The following CNTNAP2 variants were observed in gnomAD, a reference collection of about 807,000 sequenced individuals.
CNTNAP2 encodes contactin-associated protein-like 2.
In CNTNAP2, 98 loss-of-function variants were observed where a neutral mutation model predicts 155.2. That is an observed-to-expected ratio of 0.63 (90% CI 0.54 to 0.75). CNTNAP2 has a LOEUF of 0.75. CNTNAP2 is among the 30% of genes least tolerant of loss of function. The probability of loss-of-function intolerance (pLI) is 0.00; values close to 1 mark genes in which losing one functional copy is unlikely to be tolerated. For synonymous variants in CNTNAP2, 651 were observed against 631.2 expected, an observed-to-expected ratio of 1.03 and a Z score of -0.47; for missense variants, 1,727 against 1,688.1, an observed-to-expected ratio of 1.02 and a Z score of -0.40.
At chr7:147,902,108 A>T (rs1799879744) in intron 13 of CNTNAP2, among the ~76,000 whole-genome samples, 1 of 152,188 alleles carries the variant, frequency 6.6e-6, no homozygotes, top group South Asian at 2.1e-4. Flanking sequence ...TTCATGGCCC[A>T]TACACCTTCA....
intron 11 of CNTNAP2, among the ~76,000 whole-genome samples, chr7:147,502,563 G>T (rs1203058426): frequency 2.0e-5 from 3 of 152,054 alleles, no homozygotes; most frequent in African/African-American, 7.2e-5. Context: ...ATAAGTTCTG[G>T]GGAGCTAATA....
intron 18 of CNTNAP2, among the ~76,000 whole-genome samples, chr7:148,174,390 C>A (rs1033665356): frequency 6.7e-6 from 1 of 149,954 alleles, no homozygotes; most frequent in Admixed American, 6.7e-5. Context: ...CTCCAGGTAG[C>A]CTGGTGCCTG....
chr7:147,933,553 A>G (rs2116803161), intron 14 of CNTNAP2, among the ~76,000 whole-genome samples: 1 of 151,808 alleles, frequency 6.6e-6, no homozygotes, highest in African/African-American at 2.4e-5. Flanking sequence ...ATAACAGAAT[A>G]TCATTCAGCC....
chr7:146,529,678 A>G (rs901835708), intron 1 of CNTNAP2, among the ~76,000 whole-genome samples: 11 of 152,030 alleles, frequency 7.2e-5, no homozygotes, highest in African/African-American at 2.4e-4. Flanking sequence ...CTAATATTAA[A>G]ATGTAGGGCC....
intron 14 of CNTNAP2, among the ~76,000 whole-genome samples, chr7:147,950,046 G>C (rs1057144225): frequency 9.9e-5 from 15 of 152,040 alleles, no homozygotes; most frequent in African/African-American, 3.4e-4. Flanking sequence ...TCAAAGGCTT[G>C]GGGAGAAAGG....
chr7:146,822,572 A>G (rs1271324984), intron 2 of CNTNAP2, among the ~76,000 whole-genome samples: 2 of 150,854 alleles, frequency 1.3e-5, no homozygotes, highest in East Asian at 1.9e-4. Context: ...TCTGAGTATT[A>G]AGTATTTTCT....
At chr7:146,782,941 C>T (rs1265782089) in intron 2 of CNTNAP2, among the ~76,000 whole-genome samples, 2 of 152,060 alleles carry the variant, frequency 1.3e-5, no homozygotes, top group Non-Finnish European at 2.9e-5. Context: ...GTGTATTTGC[C>T]AATGTATGTG....
chr7:148,040,001 A>G (rs912848479), intron 15 of CNTNAP2, among the ~76,000 whole-genome samples: 1 of 152,194 alleles, frequency 6.6e-6, no homozygotes, highest in Non-Finnish European at 1.5e-5. Flanking sequence ...AAACAAAACT[A>G]TCCCTTCTCT....
intron 10 of CNTNAP2, among the ~76,000 whole-genome samples, chr7:147,401,212 T>C (rs1796906957): frequency 6.6e-6 from 1 of 152,090 alleles, no homozygotes; most frequent in Non-Finnish European, 1.5e-5. Context: ...AAAAAATACA[T>C]TTAGAAACAA....
intron 1 of CNTNAP2, among the ~76,000 whole-genome samples, chr7:146,166,172 C>T (rs1798309575): frequency 6.6e-6 from 1 of 152,124 alleles, no homozygotes; most frequent in Non-Finnish European, 1.5e-5. Context: ...TGGCTCACTG[C>T]AACCTCTGCC....
intron 3 of CNTNAP2, among the ~76,000 whole-genome samples, chr7:146,941,143 C>A (rs1797047203): frequency 6.6e-6 from 1 of 152,040 alleles, no homozygotes; most frequent in Admixed American, 6.5e-5. Context: ...ACTTACTACA[C>A]TATATTGTTC....
chr7:147,347,419 A>ATT lies in CNTNAP2; in HGVS notation c.1498+47130_1498+47131dup, dbSNP rs1186770073. Among the ~76,000 whole-genome samples, 26 of 108,680 alleles carry ATT rather than the reference A, an allele frequency of 2.4e-4. No individual in the cohort carries two copies. In the East Asian group the frequency reaches 5.9e-3, roughly 25 times the overall value. The allele number at this position is 108,680 out of a possible 152,430, so 71.3% of individuals were successfully genotyped here. A position where few individuals can be genotyped will look rare whatever the true frequency, so the allele number is the denominator to read the frequency against. On this transcript the variant is annotated intron_variant, in intron 9 of 23. Transcript: ENST00000361727. ...TCTGTATTTCCTCTTATGTGAAAAG[A>ATT]TTATATATATATATATATATGCATA...
intron 1 of CNTNAP2, among the ~76,000 whole-genome samples, chr7:146,382,979 T>G (rs1795411973): frequency 6.6e-6 from 1 of 152,170 alleles, no homozygotes; most frequent in South Asian, 2.1e-4. Context: ...GATTTTCCCC[T>G]TCACTGATAA....
intron 1 of CNTNAP2, among the ~76,000 whole-genome samples, chr7:146,188,957 G>T (rs1167768458): frequency 6.6e-6 from 1 of 152,080 alleles, no homozygotes; most frequent in African/African-American, 2.4e-5. Flanking sequence ...TGGAGGGAGG[G>T]CCTGAGCTTC....
At chr7:146,751,679 T>C (rs1329729628) in intron 1 of CNTNAP2, among the ~76,000 whole-genome samples, 1 of 152,200 alleles carries the variant, frequency 6.6e-6, no homozygotes, top group Non-Finnish European at 1.5e-5. Flanking sequence ...TACACAGTTA[T>C]ACATGTGCCA....
At chr7:147,624,442 G>A (rs1226405778) in intron 12 of CNTNAP2, among the ~76,000 whole-genome samples, 1 of 151,994 alleles carries the variant, frequency 6.6e-6, no homozygotes, top group Non-Finnish European at 1.5e-5. Context: ...TTCAATAATT[G>A]GCCAAAGACT....
At chr7:147,275,710 C>T (rs1378657160) in intron 8 of CNTNAP2, among the ~76,000 whole-genome samples, 1 of 151,906 alleles carries the variant, frequency 6.6e-6, no homozygotes, top group African/African-American at 2.4e-5. Flanking sequence ...CTTGGAAAGT[C>T]GTATTGAGGG....
At chr7:148,365,159 C>G (rs948788639) in intron 21 of CNTNAP2, among the ~76,000 whole-genome samples, 2 of 152,166 alleles carry the variant, frequency 1.3e-5, no homozygotes, top group Non-Finnish European at 2.9e-5. Context: ...TCAGAGTGGC[C>G]TTCCCTGCTC....
At chr7:147,328,719 T>C (rs1380882809) in intron 9 of CNTNAP2, among the ~76,000 whole-genome samples, 4 of 152,160 alleles carry the variant, frequency 2.6e-5, no homozygotes, top group South Asian at 2.1e-4. Flanking sequence ...GTAAAAATCA[T>C]TGGAGAGGAA....
Sources: gnomAD v4.1 joint callset for allele counts (sites outside exome capture counted in the v4.1 genomes callset) on GRCh38, gnomAD v4.1.1 for gene constraint, MANE v1.5 for transcripts, NCBI Gene and HGNC (gene_info 2026-07-23, HGNC 2026-07-21) for gene names.